The following SLC4A10 variants were observed in gnomAD, a reference collection of about 807,000 sequenced individuals.
The protein encoded by SLC4A10 is solute carrier family 4 member 10.
A neutral mutation model predicts 137.7 loss-of-function variants in SLC4A10; 42 were observed. That is an observed-to-expected ratio of 0.30 (90% confidence interval 0.24 to 0.39). SLC4A10 has a LOEUF of 0.39. SLC4A10 is among the 10% of genes least tolerant of loss of function. The pLI, the probability that SLC4A10 is intolerant of heterozygous loss-of-function variation, is 1.00. For synonymous variants in SLC4A10, 474 were observed against 464.1 expected (o/e 1.02, Z -0.27); for missense variants, 925 against 1,355.0 (o/e 0.68, Z 4.98).
chr2:161,759,106 G>A (rs563464694), intron 1 of SLC4A10, among the ~76,000 whole-genome samples: 4 of 151,814 alleles, frequency 2.6e-5, no homozygotes, highest in South Asian at 4.1e-4. Context: ...TTCTTGAAGC[G>A]TATACTTAGA....
chr2:161,976,680 C>G lies in SLC4A10; in HGVS notation c.3228-80C>G, dbSNP rs1310453166. On this transcript the variant is annotated intron_variant, in intron 24 of 26. Transcript: ENST00000446997. ...TATTCTTCATAGATATATGATTGCCCTATATTTAGTTTCTGTCATTGAAAA... is the reference window on the plus strand; with the variant it reads ...TATTCTTCATAGATATATGATTGCCGTATATTTAGTTTCTGTCATTGAAAA... The G allele has an allele frequency of 6.5e-6, 4 of 617,252 alleles. No homozygotes were observed. In the Admixed American group the frequency reaches 1.4e-4, roughly 22 times the overall value. 38.2% of individuals were successfully genotyped at this position (617,252 alleles called of 1,614,324 possible).
At chr2:161,901,167 CTAA>C in intron 12 of SLC4A10, 156 bp downstream of exon 12, 1 of 631,778 alleles carries the variant, frequency 1.6e-6, no homozygotes, top group Non-Finnish European at 2.9e-6. Context: ...TCTGAAGTTA[CTAA>C]TGATTGTCAT....
chr2:161,674,084 A>C (rs763834474), intron 1 of SLC4A10, among the ~76,000 whole-genome samples: 10 of 152,208 alleles, frequency 6.6e-5, no homozygotes, highest in Admixed American at 2.6e-4. Context: ...ATTTAATATA[A>C]GCTAAAATGA....
intron 15 of SLC4A10, among the ~76,000 whole-genome samples, chr2:161,916,097 G>A (rs1211398680): frequency 2.0e-5 from 3 of 152,166 alleles, no homozygotes; most frequent in African/African-American, 7.2e-5. Flanking sequence ...TGGACTTCCA[G>A]TTTCCAGAAC....
chr2:161,960,322 C>A (rs1436374750), intron 21 of SLC4A10, among the ~76,000 whole-genome samples: 1 of 147,168 alleles, frequency 6.8e-6, no homozygotes, highest in Non-Finnish European at 1.5e-5. Flanking sequence ...GGAAATTGCA[C>A]CACTGCACTC....
At chr2:161,801,978 T>A (rs949470964) in intron 2 of SLC4A10, among the ~76,000 whole-genome samples, 1 of 152,130 alleles carries the variant, frequency 6.6e-6, no homozygotes, top group African/African-American at 2.4e-5. Flanking sequence ...AATATTGTGG[T>A]CAATAAAATA....
In SLC4A10 at chr2:161,784,665, A is replaced by C. The variant is rs11903678; in HGVS notation, c.130+13611A>C. Among the ~76,000 whole-genome samples, 301 of 152,010 alleles carry C rather than the reference A, an allele frequency of 2.0e-3. 1 individual carries two copies. Among genetic ancestry groups the C allele is most frequent in the African/African-American group, 6.9e-3 (286 of 41,560 alleles). On this transcript the variant is annotated intron_variant, in intron 2 of 26. Coordinates refer to ENST00000446997, the MANE Select transcript of SLC4A10 (RefSeq NM_001178015.2). ...CTTGAACAACTAATGGGTCAGAAAG[A>C]ATTCAAAAGAGACATTAGAAAATAT...
chr2:161,921,087 T>C (rs2105501366), intron 15 of SLC4A10, among the ~76,000 whole-genome samples: 1 of 152,356 alleles, frequency 6.6e-6, no homozygotes, highest in South Asian at 2.1e-4. Flanking sequence ...GTCTGTATAA[T>C]GGCCTAAGAG....
intron 2 of SLC4A10, among the ~76,000 whole-genome samples, chr2:161,776,714 G>A (rs1240581843): frequency 6.6e-6 from 1 of 151,874 alleles, no homozygotes; most frequent in Non-Finnish European, 1.5e-5. Context: ...ATACCCAGAA[G>A]TGGGAATAGT....
intron 1 of SLC4A10, among the ~76,000 whole-genome samples, chr2:161,644,353 G>A (rs887397819): frequency 1.1e-4 from 17 of 152,100 alleles, no homozygotes; most frequent in Non-Finnish European, 2.5e-4. Context: ...AAAATTAGCC[G>A]GGCGTGGTGG....
At chr2:161,947,204 A>G (rs111728748) in intron 16 of SLC4A10, among the ~76,000 whole-genome samples, 12 of 152,158 alleles carry the variant, frequency 7.9e-5, no homozygotes, top group Non-Finnish European at 1.5e-4. Context: ...ATAGCTGGGC[A>G]TAGTGTCTGA....
At chr2:161,868,594 A>C (rs2060912390) in intron 6 of SLC4A10, among the ~76,000 whole-genome samples, 1 of 151,714 alleles carries the variant, frequency 6.6e-6, no homozygotes. Context: ...AAGTAATTCA[A>C]ACAGGTGCTA....
chr2:161,822,939 C>T (rs1186876436), intron 3 of SLC4A10, among the ~76,000 whole-genome samples: 1 of 152,108 alleles, frequency 6.6e-6, no homozygotes, highest in Non-Finnish European at 1.5e-5. Context: ...AGTGCCACTG[C>T]ACTCCAGCCT....
At chr2:161,918,933 C>T (rs894849767) in intron 15 of SLC4A10, among the ~76,000 whole-genome samples, 3 of 152,182 alleles carry the variant, frequency 2.0e-5, no homozygotes, top group African/African-American at 7.2e-5. Context: ...ACTGCAGCTG[C>T]CCAGCCATTG....
At chr2:161,645,035 A>G (rs1013304738) in intron 1 of SLC4A10, among the ~76,000 whole-genome samples, 1 of 152,206 alleles carries the variant, frequency 6.6e-6, no homozygotes, top group Non-Finnish European at 1.5e-5. Context: ...TTCAGAAGTA[A>G]TAATTTAATA....
At chr2:161,648,527 A>C (rs1002076930) in intron 1 of SLC4A10, among the ~76,000 whole-genome samples, 1 of 152,226 alleles carries the variant, frequency 6.6e-6, no homozygotes, top group African/African-American at 2.4e-5. Context: ...AAAACAATAA[A>C]TTCCAAATAT....
intron 11 of SLC4A10, among the ~76,000 whole-genome samples, chr2:161,896,905 A>T (rs567064819): frequency 6.6e-6 from 1 of 152,114 alleles, no homozygotes; most frequent in Admixed American, 6.6e-5. Context: ...TAAAATTTTA[A>T]TAACAACATT....
chr2:161,878,980 A>G (rs548774210), intron 8 of SLC4A10, 151 bp from the exon 9 acceptor site: 148 of 582,916 alleles, frequency 2.5e-4, no homozygotes, highest in Non-Finnish European at 3.9e-4. Flanking sequence ...AAAGGTTATT[A>G]TAGAAAAAGG....
intron 1 of SLC4A10, among the ~76,000 whole-genome samples, chr2:161,650,227 C>T (rs1195569280): frequency 6.6e-6 from 1 of 152,156 alleles, no homozygotes; most frequent in Non-Finnish European, 1.5e-5. Flanking sequence ...TAGAATGTTC[C>T]TTGATTCGGA....
Sources: gnomAD v4.1 joint callset for allele counts (sites outside exome capture counted in the v4.1 genomes callset) on GRCh38, gnomAD v4.1.1 for gene constraint, MANE v1.5 for transcripts, NCBI Gene and HGNC (gene_info 2026-07-23, HGNC 2026-07-21) for gene names.